Variants in BARD1 observed in about 807,000 individuals in gnomAD.
BARD1 encodes the protein BRCA1 associated RING domain 1, also known as BRCA1-associated RING domain protein 1.
In BARD1, 73 loss-of-function variants were observed where a neutral mutation model predicts 77.0. That is an observed-to-expected ratio of 0.95 (90% CI 0.79 to 1.15). BARD1 has a LOEUF of 1.15. Among genes scored for constraint, BARD1 ranks in the 50% most tolerant of loss-of-function variants. The pLI, the probability that BARD1 is intolerant of heterozygous loss-of-function variation, is 0.00. For synonymous variants in BARD1, 384 were observed against 338.0 expected (o/e 1.14, Z -1.49); for missense variants, 993 against 938.8 (o/e 1.06, Z -0.75).
intron 6 of BARD1, 84 bp downstream of exon 6, chr2:214,767,398 C>T: frequency 7.6e-7 from 1 of 1,309,552 alleles, no homozygotes; most frequent in Non-Finnish European, 1.1e-6. Flanking sequence ...ATCAACTTGA[C>T]TATTTTAAAG....
intron 1 of BARD1, among the ~76,000 whole-genome samples, chr2:214,808,388 G>A (rs977921820): frequency 6.6e-6 from 1 of 152,234 alleles, no homozygotes; most frequent in Admixed American, 6.5e-5. Context: ...CAGCCTGGGC[G>A]ACAGAGCGAG....
rs562753068 is a variant in BARD1 at position 214,730,603 on chromosome 2, T to C, written c.1904-95A>G. 7 of 990,470 alleles carry C rather than the reference T, an allele frequency of 7.1e-6. No homozygotes were observed. The South Asian group carries it at 8.0e-5, about 11-fold the overall frequency. 61.4% of individuals were successfully genotyped at this position (990,470 alleles called of 1,614,324 possible). On this transcript the variant is annotated intron_variant, in intron 9 of 10. Coordinates refer to ENST00000260947, the MANE Select transcript of BARD1 (RefSeq NM_000465.4). ...AGCAATTTACCTAAGTGGTTTTTCT[T>C]CTTCATGGCAGTTTTTAAGTATTAT...
Position 214,780,604 on chromosome 2 carries a change from T to G in BARD1, c.1270A>C (p.Arg424=), listed in dbSNP as rs1553622123. 4.3e-6 allele frequency: 7 copies of G among 1,614,066 alleles called. 1 individual carries two copies. In the African/African-American group the frequency reaches 9.3e-5, roughly 22 times the overall value. ...MKLLPNMAVK[R]NHRGETLLHI... Reference sequence around the variant, plus strand: ...AGCAAAGTCTCTCCTCTATGATTTCTTTTCACAGCCATATTGGGCAACAGC... The same window carrying G: ...AGCAAAGTCTCTCCTCTATGATTTCGTTTCACAGCCATATTGGGCAACAGC... The change falls in exon 4 of 11, where the codon AGA becomes CGA. Residue 424 remains arginine, a synonymous_variant. Coordinates refer to ENST00000260947, the MANE Select transcript of BARD1 (RefSeq NM_000465.4).
At chr2:214,738,978 T>G (rs1284461429) in intron 9 of BARD1, among the ~76,000 whole-genome samples, 2 of 151,674 alleles carry the variant, frequency 1.3e-5, no homozygotes, top group Admixed American at 6.6e-5. Flanking sequence ...GATCTCTGCC[T>G]CAACTAAAAA....
chr2:214,761,206 A>G (rs1158172701), intron 6 of BARD1, among the ~76,000 whole-genome samples: 1 of 152,078 alleles, frequency 6.6e-6, no homozygotes, highest in Non-Finnish European at 1.5e-5. Context: ...ATCAAAATAG[A>G]TACTGTTATG....
chr2:214,738,454 A>G (rs572056438), intron 9 of BARD1, among the ~76,000 whole-genome samples: 1 of 152,260 alleles, frequency 6.6e-6, no homozygotes, highest in South Asian at 2.1e-4. Context: ...ACACTTTTCT[A>G]TAAAGAAACT....
chr2:214,774,078 T>A (rs1477491746), intron 4 of BARD1, among the ~76,000 whole-genome samples: 1 of 152,234 alleles, frequency 6.6e-6, no homozygotes, highest in African/African-American at 2.4e-5. Flanking sequence ...TGAAGTTTGA[T>A]CATGAGGCTG....
chr2:214,728,860 A>T lies in BARD1; in HGVS notation c.2150T>A (p.Ile717Asn), dbSNP rs876658526. The part of the protein sequence containing the change: ...PKPDSDVTQT[I>N]NTVAYHARPD... ...TCTCGCATGGTATGCGACTGTATTG[A>T]TGGTCTGAGTCACGTCACTGTCTGG... Residue 717 changes from isoleucine (I) to asparagine (N), a missense_variant, in exon 11 of 11, where the codon ATC becomes AAC. Physicochemically the swap from Ile to Asn is moderately radical, Grantham distance 149. Coordinates refer to ENST00000260947, the MANE Select transcript of BARD1 (RefSeq NM_000465.4). 4 of 1,614,150 alleles carry T rather than the reference A, an allele frequency of 2.5e-6. No individual in the cohort carries two copies. The highest frequency in any genetic ancestry group is 1.7e-5 in the Admixed American group (1 of 60,024).
rs199857391 is a variant in BARD1, at chr2:214,780,933, A to T, written c.941T>A (p.Leu314Ter). 1 of 1,613,986 alleles carries T rather than the reference A, an allele frequency of 6.2e-7. No homozygotes were observed. Among genetic ancestry groups the T allele is most frequent in the African/African-American group, 1.3e-5 (1 of 75,022 alleles). Residue 314 changes from leucine (L) to a stop codon, truncating the protein, a stop_gained, in exon 4 of 11, where the codon TTG becomes TAG. Coordinates refer to ENST00000260947, the MANE Select transcript of BARD1 (RefSeq NM_000465.4). LOFTEE classifies it high-confidence loss of function. ...CKNYLTSKKSLPLENNGKRGH... is the reference protein window; with the variant it reads ...CKNYLTSKKS ...ACGTTTTCCATTATTTTCTAATGGC[A>T]AAGATTTCTTAGATGTAAGATAATT... is the stretch of plus-strand genomic sequence containing the variant.
intron 7 of BARD1, among the ~76,000 whole-genome samples, chr2:214,751,151 A>ATATATATTTTTTTTTTTT (rs1693429141): frequency 2.7e-5 from 1 of 37,190 alleles, no homozygotes; most frequent in Non-Finnish European, 4.6e-5. Context: ...ATATATATAT[A>ATATATATTTTTTTTTTTT]TTTTTTTTTT....
chr2:214,740,449 T>C (rs1692770075), intron 9 of BARD1, among the ~76,000 whole-genome samples: 4 of 152,054 alleles, frequency 2.6e-5, no homozygotes. Context: ...GCACACACTA[T>C]TTTTAAAACT....
intron 7 of BARD1, among the ~76,000 whole-genome samples, chr2:214,746,844 A>G (rs901500782): frequency 3.9e-5 from 6 of 152,150 alleles, no homozygotes; most frequent in Non-Finnish European, 7.4e-5. Context: ...CAAAAGCCAA[A>G]ATTGACAAAT....
At chr2:214,784,178 A>G (rs958422080) in intron 3 of BARD1, among the ~76,000 whole-genome samples, 1 of 152,230 alleles carries the variant, frequency 6.6e-6, no homozygotes, top group African/African-American at 2.4e-5. Flanking sequence ...GAACTTAAAC[A>G]AATTTACAAG....
chr2:214,745,294 G>A lies in BARD1; in HGVS notation c.1811-135C>T. ...AAGGCAACAATTTTTACACTTAAGT[G>A]TAAGACTACTTCTATTTAGTATCTA... On this transcript the variant is annotated intron_variant, in intron 8 of 10. Transcript: ENST00000260947. 4.1e-6 allele frequency: 3 copies of A among 737,778 alleles called. No individual in the cohort carries two copies. The South Asian group carries it at 5.0e-5, about 12-fold the overall frequency. The allele number at this position is 737,778 out of a possible 1,614,324, so 45.7% of individuals were successfully genotyped here. A position where few individuals can be genotyped will look rare whatever the true frequency, so the allele number is the denominator to read the frequency against.
chr2:214,727,205 AT>A lies in BARD1; in HGVS notation c.*1470del, dbSNP rs1692119903. On this transcript the variant is annotated 3_prime_UTR_variant, in exon 11 of 11. Transcript: ENST00000260947. ...TTATTTTGTTCATATATTTCTTGAT[AT>A]GAAAAAACAACATGTCAAAGAAAGA... 2 of 225,578 alleles carry A rather than the reference AT, an allele frequency of 8.9e-6. No homozygotes were observed. Among genetic ancestry groups the A allele is most frequent in the East Asian group, 6.4e-5 (1 of 15,570 alleles). The allele number at this position is 225,578 out of a possible 1,614,324, so 14.0% of individuals were successfully genotyped here.
chr2:214,781,501 C>A lies in BARD1; in HGVS notation c.373G>T (p.Glu125Ter), dbSNP rs1553622720. The A allele has an allele frequency of 6.2e-7, 1 of 1,608,796 alleles. No homozygotes were observed. The highest frequency in any genetic ancestry group is 2.2e-5 in the East Asian group (1 of 44,828). ...LHDNELSDLKEDKPRKSLFND... is the reference protein window; with the variant it reads ...LHDNELSDLK ...AACAAACTTTTCCTAGGTTTATCTT[C>A]TTTCAAATCTGACAGAAAAAAAGAA... Residue 125 changes from glutamate (E) to a stop codon, truncating the protein, a stop_gained, in exon 4 of 11, where the codon GAA (glutamate) becomes TAA (stop). Coordinates refer to ENST00000260947, the MANE Select transcript of BARD1 (RefSeq NM_000465.4). LOFTEE classifies it high-confidence loss of function.
At position 214,728,616 on chromosome 2, in the gene BARD1, A is replaced by G; in HGVS notation, c.*60T>C. On this transcript the variant is annotated 3_prime_UTR_variant, in exon 11 of 11. Coordinates refer to ENST00000260947, the MANE Select transcript of BARD1 (RefSeq NM_000465.4). ...AAAATGTGAACATTAAAAACAGTAC[A>G]ATGACTGGGCTCTCACAAACCGTGC... The G allele has an allele frequency of 6.6e-7, 1 of 1,523,122 alleles. No homozygotes were observed. Among genetic ancestry groups the G allele is most frequent in the East Asian group, 2.3e-5 (1 of 44,102 alleles). The allele number at this position is 1,523,122 out of a possible 1,614,324, so 94.4% of individuals were successfully genotyped here.
rs933029917 is a variant in BARD1 at position 214,726,687 on chromosome 2, A to G, written c.*1989T>C. The G allele has an allele frequency of 1.3e-5, 3 of 228,794 alleles. No individual in the cohort carries two copies. The East Asian group carries it at 1.9e-4, about 14-fold the overall frequency. 14.2% of individuals were successfully genotyped at this position (228,794 alleles called of 1,614,324 possible). A position where few individuals can be genotyped will look rare whatever the true frequency, so the allele number is the denominator to read the frequency against. ...GTAAAAAAGAAGGAAGCTTGAATCTATGATTGAAAAATAAAAAATAATTAC... is the reference window on the plus strand; with the variant it reads ...GTAAAAAAGAAGGAAGCTTGAATCTGTGATTGAAAAATAAAAAATAATTAC... On this transcript the variant is annotated 3_prime_UTR_variant, in exon 11 of 11. Transcript: ENST00000260947.
chr2:214,770,822 C>T (rs1198391419), intron 4 of BARD1, among the ~76,000 whole-genome samples: 2 of 152,184 alleles, frequency 1.3e-5, no homozygotes, highest in Admixed American at 1.3e-4. Context: ...GTAGTCTGCC[C>T]TCCCACTCTT....
Sources: gnomAD v4.1 joint callset for allele counts (sites outside exome capture counted in the v4.1 genomes callset) on GRCh38, gnomAD v4.1.1 for gene constraint, MANE v1.5 for transcripts, NCBI Gene and HGNC (gene_info 2026-07-23, HGNC 2026-07-21) for gene names.